The following C2CD2 variants were observed in gnomAD, a reference collection of about 807,000 sequenced individuals.
C2CD2 encodes the protein C2 domain-containing protein 2.
Under a neutral mutation model 74.3 loss-of-function variants are expected in C2CD2, and 43 were observed. The ratio of observed to expected loss-of-function variants is 0.58; its 90% CI spans 0.45 to 0.75. The LOEUF (loss-of-function observed/expected upper bound fraction) is 0.75, where lower values mean the gene tolerates loss of function less well. C2CD2 is among the 30% of genes least tolerant of loss of function. C2CD2 has a pLI of 0.00. For missense variants in C2CD2, 801 were observed against 916.3 expected (o/e 0.87, Z 1.63); for synonymous variants, 422 against 390.7 (o/e 1.08, Z -0.94).
intron 11 of C2CD2, among the ~76,000 whole-genome samples, chr21:41,905,106 T>G (rs1316710538): frequency 6.6e-6 from 1 of 152,190 alleles, no homozygotes; most frequent in Non-Finnish European, 1.5e-5. Context: ...TTATTTGCTA[T>G]TAATGTAGCT....
intron 5 of C2CD2, among the ~76,000 whole-genome samples, chr21:41,916,899 G>C (rs1569070078): frequency 6.6e-6 from 1 of 152,200 alleles, no homozygotes; most frequent in Non-Finnish European, 1.5e-5. Flanking sequence ...ATTAAAAGTT[G>C]ATTGTCACAT....
In C2CD2 at chr21:41,899,376, T is replaced by C. The variant is rs1196251122; in HGVS notation, c.1561-14A>G. 6.3e-7 allele frequency: 1 copy of C among 1,599,788 alleles called. No homozygotes were observed. Among genetic ancestry groups the C allele is most frequent in the Admixed American group, 1.7e-5 (1 of 59,770 alleles). On this transcript the variant is annotated splice_polypyrimidine_tract_variant and intron_variant, in intron 12 of 13. Transcript: ENST00000380486. This position sits in a 1 kb window ranked among gnomAD's most constrained non-coding sequence, Gnocchi z 4.4. ...AGATAGTGAGGTCTGTCAGGGGCAG[T>C]GGGGAAGATGACAAGGGATACATGA...
intron 8 of C2CD2, among the ~76,000 whole-genome samples, chr21:41,908,986 G>C (rs1267486966): frequency 1.3e-5 from 2 of 149,660 alleles, no homozygotes; most frequent in Middle Eastern, 3.2e-3. Flanking sequence ...CAGTAGAGTA[G>C]GGATGAAAAA....
At chr21:41,944,563 GA>G (rs1425953682) in intron 1 of C2CD2, among the ~76,000 whole-genome samples, 3 of 151,018 alleles carry the variant, frequency 2.0e-5, no homozygotes, top group African/African-American at 7.3e-5. Flanking sequence ...GAGTTTGCTG[GA>G]AAACTTAAGG....
At chr21:41,932,201 C>T (rs1332174526) in intron 2 of C2CD2, among the ~76,000 whole-genome samples, 1 of 149,626 alleles carries the variant, frequency 6.7e-6, no homozygotes, top group Admixed American at 6.7e-5. Flanking sequence ...GGGGAGCTTC[C>T]AAGGTGGTGA....
intron 2 of C2CD2, among the ~76,000 whole-genome samples, chr21:41,933,738 A>T (rs1316409629): frequency 6.6e-6 from 1 of 152,216 alleles, no homozygotes; most frequent in Non-Finnish European, 1.5e-5. Context: ...GGCAAGAGCG[A>T]CCAGGCTCCT....
chr21:41,895,735 C>T lies in C2CD2; in HGVS notation c.1870+3318G>A, dbSNP rs779334908. Among the ~76,000 whole-genome samples, 5 of 152,070 alleles carry T rather than the reference C, an allele frequency of 3.3e-5. No homozygotes were observed. The highest frequency in any genetic ancestry group is 5.9e-5 in the Non-Finnish European group (4 of 68,020). On this transcript the variant is annotated intron_variant, in intron 13 of 13. Transcript: ENST00000380486. This position sits in a 1 kb window ranked among gnomAD's most constrained non-coding sequence, Gnocchi z 5.0. ...TATAGCTCTAATGTCATAAATATTTCCAAATGTATTCCTATTTGTCTCTAC... is the reference window on the plus strand; with the variant it reads ...TATAGCTCTAATGTCATAAATATTTTCAAATGTATTCCTATTTGTCTCTAC...
rs111579270 is a variant in C2CD2 at position 41,935,729 on chromosome 21, G to A, written c.378+6418C>T. On this transcript the variant is annotated intron_variant, in intron 2 of 13. Transcript: ENST00000380486. Reference sequence around the variant, plus strand: ...TCACAGGGCGTGGTGGTGCACACCTGTAATCCCAGCTACTCGGGAGGCTGA... The same window carrying A: ...TCACAGGGCGTGGTGGTGCACACCTATAATCCCAGCTACTCGGGAGGCTGA... Among the ~76,000 whole-genome samples the A allele has an allele frequency of 8.7e-3, 1,317 of 152,198 alleles. 10 individuals are homozygous for A. The highest frequency in any genetic ancestry group is 0.03 in the African/African-American group (1,263 of 41,508).
intron 1 of C2CD2, among the ~76,000 whole-genome samples, chr21:41,951,359 A>AC (rs2065449230): frequency 1.2e-5 from 1 of 82,488 alleles, no homozygotes; most frequent in Admixed American, 1.2e-4. Context: ...GTGTTCCCCC[A>AC]CCCCCGTCCC....
In C2CD2 at chr21:41,899,866, G is replaced by A. The variant is rs374441116; in HGVS notation, c.1561-504C>T. 9.9e-5 allele frequency among the ~76,000 whole-genome samples: 15 copies of A among 151,880 alleles called. No homozygotes were observed. In the East Asian group the frequency reaches 1.4e-3, roughly 14 times the overall value. ...AGCACTAAATGAACCTCTGAGAGTCGGGATAGCGCTTCCTTGGAGGGGGGA... is the reference window on the plus strand; with the variant it reads ...AGCACTAAATGAACCTCTGAGAGTCAGGATAGCGCTTCCTTGGAGGGGGGA... On this transcript the variant is annotated intron_variant, in intron 12 of 13. Coordinates refer to ENST00000380486, the MANE Select transcript of C2CD2 (RefSeq NM_015500.2). The surrounding 1 kb of genome is among the most constrained non-coding windows in gnomAD (Gnocchi z 4.4).
chr21:41,933,783 GA>G (rs2065283387), intron 2 of C2CD2, among the ~76,000 whole-genome samples: 1 of 152,228 alleles, frequency 6.6e-6, no homozygotes, highest in Admixed American at 6.5e-5. Flanking sequence ...AAGGGGAGGG[GA>G]GGGGAGGGAA....
At chr21:41,940,335 C>T (rs746981869) in intron 2 of C2CD2, among the ~76,000 whole-genome samples, 5 of 152,142 alleles carry the variant, frequency 3.3e-5, no homozygotes, top group Non-Finnish European at 5.9e-5. Flanking sequence ...CTCAAAATTA[C>T]GGTGATCTAC....
intron 2 of C2CD2, among the ~76,000 whole-genome samples, chr21:41,936,815 CTTTTTTTTTTTTTT>C (rs34112713): frequency 3.9e-4 from 40 of 102,988 alleles, no homozygotes; most frequent in East Asian, 3.8e-3. Flanking sequence ...TTTTCTTTTC[CTTTTTTTTTTTTTT>C]TTTTTTTTGA....
Position 41,939,493 on chromosome 21 carries a change from G to A in C2CD2, c.378+2654C>T, listed in dbSNP as rs992489253. 5.3e-5 allele frequency among the ~76,000 whole-genome samples: 8 copies of A among 152,288 alleles called. No individual in the cohort carries two copies. The South Asian group carries it at 6.2e-4, about 12-fold the overall frequency. On this transcript the variant is annotated intron_variant, in intron 2 of 13. Transcript: ENST00000380486. This position sits in a 1 kb window ranked among gnomAD's most constrained non-coding sequence, Gnocchi z 5.5. ...TCTATTTGCCACAAATAGAGAGGGT[G>A]CTCACCGCCTGGGAAGGCACTTCCA...
At chr21:41,916,545 T>G (rs2065093015) in intron 5 of C2CD2, among the ~76,000 whole-genome samples, 1 of 151,970 alleles carries the variant, frequency 6.6e-6, no homozygotes, top group Non-Finnish European at 1.5e-5. Context: ...CGTCACGGGC[T>G]CTTTTAGGTC....
chr21:41,936,353 T>C (rs181640491), intron 2 of C2CD2, among the ~76,000 whole-genome samples: 1 of 152,200 alleles, frequency 6.6e-6, no homozygotes, highest in African/African-American at 2.4e-5. Flanking sequence ...TCAACATCAC[T>C]AATCATTAGG....
At chr21:41,938,164 C>CGT (rs201538403) in intron 2 of C2CD2, among the ~76,000 whole-genome samples, 5,525 of 150,148 alleles carry the variant, frequency 0.037, 351 homozygotes, top group African/African-American at 0.13. Context: ...CCATTCCACA[C>CGT]GTGTATATAT....
At chr21:41,908,769 A>G (rs962852890) in intron 8 of C2CD2, 7 of 152,220 alleles carry the variant, frequency 4.6e-5, no homozygotes, top group African/African-American at 1.4e-4. Flanking sequence ...GGAGAGTTTT[A>G]CAATCTAAGA....
rs2064918320 is a variant in C2CD2, at chr21:41,903,062, C to T, written c.1433-1313G>A. On this transcript the variant is annotated intron_variant, in intron 11 of 13. Transcript: ENST00000380486. The surrounding 1 kb of genome is among the most constrained non-coding windows in gnomAD (Gnocchi z 4.5). ...CCTACTTATAGAAGCACCATAAACC[C>T]CCTAAATGACAGGGCTCAGGGAGCG... Among the ~76,000 whole-genome samples the T allele has an allele frequency of 6.6e-6, 1 of 152,098 alleles. No homozygotes were observed. Among genetic ancestry groups the T allele is most frequent in the Admixed American group, 6.5e-5 (1 of 15,272 alleles).
Sources: gnomAD v4.1 joint callset for allele counts (sites outside exome capture counted in the v4.1 genomes callset) on GRCh38, gnomAD v4.1.1 for gene constraint, Gnocchi (gnomAD v3.1) non-coding constraint, MANE v1.5 for transcripts, NCBI Gene and HGNC (gene_info 2026-07-23, HGNC 2026-07-21) for gene names.